Variants in THSD4 observed in about 807,000 individuals in gnomAD.
The protein encoded by THSD4 is thrombospondin type-1 domain-containing protein 4.
Under a neutral mutation model 119.0 loss-of-function variants are expected in THSD4, and 69 were observed. The observed-to-expected ratio is 0.58, with a 90% CI of 0.48 to 0.71. The LOEUF is 0.71. THSD4 is among the 30% of genes least tolerant of loss of function. The pLI, the probability that THSD4 is intolerant of heterozygous loss-of-function variation, is 0.00. For missense variants in THSD4, 1,393 were observed against 1,391.1 expected (o/e 1.00, Z -0.02); for synonymous variants, 524 against 540.4 (o/e 0.97, Z 0.42).
At chr15:71,588,617 T>C (rs184237131) in intron 7 of THSD4, among the ~76,000 whole-genome samples, 8 of 152,046 alleles carry the variant, frequency 5.3e-5, no homozygotes, top group Admixed American at 5.2e-4. Flanking sequence ...GTATTTTTAG[T>C]AGACATGGGT....
intron 5 of THSD4, among the ~76,000 whole-genome samples, chr15:71,255,117 C>A (rs368205076): frequency 6.6e-6 from 1 of 152,200 alleles, no homozygotes; most frequent in Non-Finnish European, 1.5e-5. Context: ...GATTTCTCTA[C>A]AAATCCTTGA....
chr15:71,722,434 C>G (rs898778235), intron 8 of THSD4, among the ~76,000 whole-genome samples: 1 of 152,090 alleles, frequency 6.6e-6, no homozygotes, highest in African/African-American at 2.4e-5. Context: ...TAGGGAGGTC[C>G]TTGCAGATTC....
chr15:71,684,973 G>A (rs2051876438), intron 8 of THSD4, among the ~76,000 whole-genome samples: 1 of 152,010 alleles, frequency 6.6e-6, no homozygotes, highest in South Asian at 2.1e-4. Context: ...ATTTTTTAAT[G>A]TATCTTTTTC....
intron 7 of THSD4, among the ~76,000 whole-genome samples, chr15:71,658,154 A>G (rs902122330): frequency 4.1e-4 from 62 of 152,320 alleles, no homozygotes; most frequent in African/African-American, 1.4e-3. Flanking sequence ...AAGTCTGAGC[A>G]TGGCTCTCCC....
intron 7 of THSD4, among the ~76,000 whole-genome samples, chr15:71,588,817 A>T (rs189390528): frequency 3.3e-5 from 5 of 152,294 alleles, no homozygotes; most frequent in Admixed American, 3.3e-4. Flanking sequence ...GATAGGTATC[A>T]GTTATGCAGA....
intron 7 of THSD4, among the ~76,000 whole-genome samples, chr15:71,505,658 G>A (rs933422876): frequency 1.3e-5 from 2 of 152,180 alleles, no homozygotes; most frequent in Non-Finnish European, 2.9e-5. Flanking sequence ...AAGTTTGTAT[G>A]GGAACAGAAA....
In THSD4 at chr15:71,543,981, T is replaced by C. The variant is rs1265160162; in HGVS notation, c.1153-116549T>C. Among the ~76,000 whole-genome samples the C allele has an allele frequency of 1.3e-5, 2 of 151,676 alleles. 1 individual carries two copies. Among genetic ancestry groups the C allele is most frequent in the African/African-American group, 4.8e-5 (2 of 41,240 alleles). On this transcript the variant is annotated intron_variant, in intron 7 of 17. Coordinates refer to ENST00000261862, the MANE Select transcript of THSD4 (RefSeq NM_024817.3). Reference sequence around the variant, plus strand: ...AGGCAGAGGTTGCAATGAGCTGAGGTTGCACCATTGCACTCCAGCCTGGGC... The same window carrying C: ...AGGCAGAGGTTGCAATGAGCTGAGGCTGCACCATTGCACTCCAGCCTGGGC...
intron 7 of THSD4, among the ~76,000 whole-genome samples, chr15:71,609,170 T>C (rs1567060800): frequency 6.6e-6 from 1 of 152,174 alleles, no homozygotes; most frequent in Non-Finnish European, 1.5e-5. Context: ...AGACTGGTAA[T>C]GTGAAGACAG....
At chr15:71,694,073 C>G (rs2052112069) in intron 8 of THSD4, among the ~76,000 whole-genome samples, 1 of 151,822 alleles carries the variant, frequency 6.6e-6, no homozygotes, top group African/African-American at 2.4e-5. Context: ...GGAGGTTGAG[C>G]AGAGGTGAGC....
intron 16 of THSD4, among the ~76,000 whole-genome samples, chr15:71,766,533 A>G (rs2053719665): frequency 6.6e-6 from 1 of 152,226 alleles, no homozygotes; most frequent in African/African-American, 2.4e-5. Flanking sequence ...GATAACAGCC[A>G]TTTGGCTGTG....
intron 1 of THSD4, among the ~76,000 whole-genome samples, chr15:71,109,770 T>C (rs1012899619): frequency 6.7e-6 from 1 of 150,310 alleles, no homozygotes; most frequent in African/African-American, 2.4e-5. Context: ...AGGAACACTC[T>C]GGCAGCACTG....
At chr15:71,335,301 C>A (rs954531440) in intron 6 of THSD4, among the ~76,000 whole-genome samples, 3 of 152,060 alleles carry the variant, frequency 2.0e-5, no homozygotes, top group African/African-American at 7.2e-5. Flanking sequence ...GTATTGTGGG[C>A]TTTGAGATGG....
intron 6 of THSD4, among the ~76,000 whole-genome samples, chr15:71,277,958 G>T (rs1349753954): frequency 2.0e-5 from 3 of 152,070 alleles, no homozygotes; most frequent in African/African-American, 7.2e-5. Context: ...CCCTTCACTG[G>T]GTAGTGCTTA....
At chr15:71,720,209 C>G (rs1464909031) in intron 8 of THSD4, among the ~76,000 whole-genome samples, 2 of 151,620 alleles carry the variant, frequency 1.3e-5, no homozygotes, top group Non-Finnish European at 2.9e-5. Flanking sequence ...TACCACCACT[C>G]CTGGCTAATT....
At chr15:71,328,492 A>C (rs540837406) in intron 6 of THSD4, among the ~76,000 whole-genome samples, 1 of 152,316 alleles carries the variant, frequency 6.6e-6, no homozygotes, top group Non-Finnish European at 1.5e-5. Context: ...GCCATTCAAT[A>C]TATATTTATC....
intron 7 of THSD4, among the ~76,000 whole-genome samples, chr15:71,572,214 T>G (rs1045447007): frequency 1.3e-5 from 2 of 152,236 alleles, no homozygotes; most frequent in Non-Finnish European, 2.9e-5. Flanking sequence ...GCCAATTATG[T>G]GAATTTCCAG....
rs1351142959 is a variant in THSD4 at position 71,779,705 on chromosome 15, T to A, written c.*2331T>A. On this transcript the variant is annotated 3_prime_UTR_variant, in exon 18 of 18. Coordinates refer to ENST00000261862, the MANE Select transcript of THSD4 (RefSeq NM_024817.3). ...CTTTATGTCTAAAGTGCCCTATGGC[T>A]GCTGAAGGTTACCTAACCATTCTTT... The A allele has an allele frequency of 1.3e-5, 2 of 152,198 alleles. No individual in the cohort carries two copies. Among genetic ancestry groups the A allele is most frequent in the Non-Finnish European group, 2.9e-5 (2 of 68,044 alleles). 9.4% of individuals were successfully genotyped at this position (152,198 alleles called of 1,614,324 possible).
chr15:71,523,685 C>A (rs1312974066), intron 7 of THSD4, among the ~76,000 whole-genome samples: 1 of 152,034 alleles, frequency 6.6e-6, no homozygotes, highest in Non-Finnish European at 1.5e-5. Context: ...ACGACCACAG[C>A]AGGAGCCATG....
chr15:71,221,993 C>T (rs534934093), intron 4 of THSD4, among the ~76,000 whole-genome samples: 22 of 152,180 alleles, frequency 1.4e-4, no homozygotes, highest in Admixed American at 7.9e-4. Flanking sequence ...CCCTAATGAT[C>T]AGTGATGTTG....
Sources: allele counts gnomAD v4.1 joint callset (sites outside exome capture counted in the v4.1 genomes callset), GRCh38; gene constraint gnomAD v4.1.1; transcripts MANE v1.5; gene names NCBI Gene and HGNC (gene_info 2026-07-23, HGNC 2026-07-21).